The following RIMS3 variants were observed in gnomAD, a reference collection of about 807,000 sequenced individuals.
RIMS3 encodes regulating synaptic membrane exocytosis protein 3.
A neutral mutation model predicts 29.2 loss-of-function variants in RIMS3; 15 were observed. That is an observed-to-expected ratio of 0.51 (90% CI 0.34 to 0.79). The LOEUF (loss-of-function observed/expected upper bound fraction) is 0.79, where lower values mean the gene tolerates loss of function less well. Among genes scored for constraint, RIMS3 ranks in the 30% least tolerant of loss-of-function variants. The pLI, the probability that RIMS3 is intolerant of heterozygous loss-of-function variation, is 0.01. For missense variants in RIMS3, 342 were observed against 421.4 expected, an observed-to-expected ratio of 0.81 and a Z score of 1.65; for synonymous variants, 161 against 170.1, an observed-to-expected ratio of 0.95 and a Z score of 0.41.
chr1:40,652,894 T>G lies in RIMS3; in HGVS notation c.-206-5052A>C, dbSNP rs141958441. On this transcript the variant is annotated intron_variant, in intron 1 of 7. Transcript: ENST00000372684. Reference sequence around the variant, plus strand: ...GGCTGCACTGCTTTAGAAAGTGAGGTGCGAAGAGGAAACGGGGCCAGGAGT... The same window carrying G: ...GGCTGCACTGCTTTAGAAAGTGAGGGGCGAAGAGGAAACGGGGCCAGGAGT... Among the ~76,000 whole-genome samples the G allele has an allele frequency of 2.3e-3, 352 of 151,786 alleles. 3 individuals carry two copies. Among genetic ancestry groups the G allele is most frequent in the Non-Finnish European group, 2.5e-3 (172 of 67,910 alleles).
chr1:40,662,469 CATGTCCCCACTAGA>C (rs1214709912), intron 1 of RIMS3, among the ~76,000 whole-genome samples: 3 of 152,236 alleles, frequency 2.0e-5, no homozygotes, highest in African/African-American at 7.2e-5. Context: ...TGCTCTGGGT[CATGTCCCCACTAGA>C]ATGTCACCTC....
At chr1:40,674,589 T>C in the RIMS3 span, among the ~76,000 whole-genome samples, 2 of 152,192 alleles carry the variant, frequency 1.3e-5, no homozygotes, top group African/African-American at 4.8e-5. Context: ...AGGAGGTGAT[T>C]AGGTCATGGG....
In RIMS3 at chr1:40,621,286, C is replaced by T. The variant is rs996525059; in HGVS notation, c.*5231G>A. The stretch of plus-strand genomic sequence containing the variant: ...GGACACTGACTTACTCAGGATGTAG[C>T]GGAGGTTGTGACATCACATCAGCAC... On this transcript the variant is annotated 3_prime_UTR_variant, in exon 8 of 8. Transcript: ENST00000372684. 7 of 152,224 alleles carry T rather than the reference C, an allele frequency of 4.6e-5. No individual in the cohort carries two copies. Among genetic ancestry groups the T allele is most frequent in the African/African-American group, 7.2e-5 (3 of 41,456 alleles). 9.4% of individuals were successfully genotyped at this position (152,224 alleles called of 1,614,324 possible).
chr1:40,626,386 T>C lies in RIMS3; in HGVS notation c.*131A>G. On this transcript the variant is annotated 3_prime_UTR_variant, in exon 8 of 8. Coordinates refer to ENST00000372684, the MANE Select transcript of RIMS3 (RefSeq NM_014747.3). ...CTACAGTCTCCACTGCCAGCTGGGA[T>C]GAGCCCAGTAGCCAACAGGCATGCA... 1.2e-6 allele frequency: 1 copy of C among 840,352 alleles called. No homozygotes were observed. Among genetic ancestry groups the C allele is most frequent in the South Asian group, 1.5e-5 (1 of 68,830 alleles). 52.1% of individuals were successfully genotyped at this position (840,352 alleles called of 1,614,324 possible).
intron 2 of RIMS3, among the ~76,000 whole-genome samples, chr1:40,643,402 G>A (rs1282163595): frequency 2.0e-5 from 3 of 151,748 alleles, no homozygotes; most frequent in East Asian, 3.9e-4. Flanking sequence ...CAAAGTGCTG[G>A]GATTATAGAC....
chr1:40,675,493 C>T, the RIMS3 span, among the ~76,000 whole-genome samples: 347 of 152,154 alleles, frequency 2.3e-3, 3 homozygotes, highest in African/African-American at 8.0e-3. Context: ...TACGGTGGCT[C>T]ATGCCTGTAA....
the RIMS3 span, among the ~76,000 whole-genome samples, chr1:40,685,449 G>A: frequency 1.3e-5 from 2 of 150,994 alleles, no homozygotes; most frequent in African/African-American, 2.4e-5. Flanking sequence ...GCACAGTGAC[G>A]CAGGCCTGAC....
chr1:40,670,574 T>TTATACATATATATATATATA (rs1642479981), upstream of RIMS3, among the ~76,000 whole-genome samples: 5 of 71,210 alleles, frequency 7.0e-5, no homozygotes, highest in Non-Finnish European at 1.2e-4. Flanking sequence ...AGTTATAATT[T>TTATACATATATATATATATA]TATATATATA....
At chr1:40,685,884 C>A in the RIMS3 span, among the ~76,000 whole-genome samples, 1 of 152,096 alleles carries the variant, frequency 6.6e-6, no homozygotes, top group Non-Finnish European at 1.5e-5. Flanking sequence ...TGGCTTACGC[C>A]TATAATCTCA....
chr1:40,677,299 C>A, the RIMS3 span, among the ~76,000 whole-genome samples: 2 of 151,746 alleles, frequency 1.3e-5, no homozygotes, highest in African/African-American at 2.4e-5. Context: ...GCCACCGTGC[C>A]GGCCTAATAT....
At chr1:40,679,262 A>C in the RIMS3 span, among the ~76,000 whole-genome samples, 1 of 152,176 alleles carries the variant, frequency 6.6e-6, no homozygotes, top group Non-Finnish European at 1.5e-5. Context: ...GCAGAAGCAG[A>C]GAGAACAATG....
chr1:40,688,210 G>A, the RIMS3 span, among the ~76,000 whole-genome samples: 84 of 152,184 alleles, frequency 5.5e-4, no homozygotes, highest in African/African-American at 2.0e-3. Context: ...TGATCTGCCC[G>A]CCTCAGCCTC....
chr1:40,685,524 A>C, the RIMS3 span, among the ~76,000 whole-genome samples: 1 of 151,926 alleles, frequency 6.6e-6, no homozygotes, highest in Non-Finnish European at 1.5e-5. Context: ...TGAAGTTCTA[A>C]GGAAAGTTTG....
intron 2 of RIMS3, among the ~76,000 whole-genome samples, chr1:40,645,530 G>A (rs1360560511): frequency 6.6e-6 from 1 of 152,088 alleles, no homozygotes; most frequent in Non-Finnish European, 1.5e-5. Flanking sequence ...CTCTGCCCTG[G>A]GTCTCTGGGC....
chr1:40,680,579 GC>G, the RIMS3 span, among the ~76,000 whole-genome samples: 11 of 151,902 alleles, frequency 7.2e-5, no homozygotes, highest in Non-Finnish European at 1.5e-5. Flanking sequence ...TGATCTGCCC[GC>G]CTCGGCCTCC....
At chr1:40,657,702 C>T (rs1328051508) in intron 1 of RIMS3, among the ~76,000 whole-genome samples, 1 of 149,272 alleles carries the variant, frequency 6.7e-6, no homozygotes, top group Non-Finnish European at 1.5e-5. Flanking sequence ...AGCCGTGACC[C>T]AGCCATTGCA....
chr1:40,630,548 A>C (rs1646483249), intron 5 of RIMS3, among the ~76,000 whole-genome samples: 1 of 152,182 alleles, frequency 6.6e-6, no homozygotes, highest in Non-Finnish European at 1.5e-5. Flanking sequence ...GGGATTTGCT[A>C]ATTTCAAGAG....
intron 1 of RIMS3, among the ~76,000 whole-genome samples, chr1:40,661,664 T>C (rs1270823068): frequency 6.6e-6 from 1 of 152,232 alleles, no homozygotes; most frequent in African/African-American, 2.4e-5. Flanking sequence ...ATAGGGTTTA[T>C]GGTTTCCATG....
At position 40,635,458 on chromosome 1, in the gene RIMS3, G is replaced by C. The variant is rs927373437; in HGVS notation, c.359+458C>G. On this transcript the variant is annotated intron_variant, in intron 4 of 7. Transcript: ENST00000372684. The surrounding 1 kb of genome is among the most constrained non-coding windows in gnomAD (Gnocchi z 4.1). ...TAAACCTATTTTATTTCCTGTCTAT[G>C]AGTCACCATCCATGGTTTGAAAAAC... Among the ~76,000 whole-genome samples the C allele has an allele frequency of 6.6e-6, 1 of 152,158 alleles. No homozygotes were observed. The highest frequency in any genetic ancestry group is 2.4e-5 in the African/African-American group (1 of 41,444).
Sources: gnomAD v4.1 joint callset for allele counts (sites outside exome capture counted in the v4.1 genomes callset) on GRCh38, gnomAD v4.1.1 for gene constraint, Gnocchi (gnomAD v3.1) non-coding constraint, MANE v1.5 for transcripts, NCBI Gene and HGNC (gene_info 2026-07-23, HGNC 2026-07-21) for gene names.